Variants in ZNF565 observed in about 807,000 individuals in gnomAD.
The protein encoded by ZNF565 is zinc finger protein 565.
ZNF565 carries 27 observed loss-of-function variants against 39.4 expected under a neutral mutation model. That is an observed-to-expected ratio of 0.69 (90% CI 0.51 to 0.95). The LOEUF (loss-of-function observed/expected upper bound fraction) is 0.95, where lower values mean the gene tolerates loss of function less well. ZNF565 is among the 40% of genes least tolerant of loss of function. The pLI is 0.00. For synonymous variants in ZNF565, 185 were observed against 216.6 expected, an observed-to-expected ratio of 0.85 and a Z score of 1.28; for missense variants, 524 against 621.1, an observed-to-expected ratio of 0.84 and a Z score of 1.66.
upstream of ZNF565, among the ~76,000 whole-genome samples, chr19:36,216,554 A>AGGCTGAGGCAGGAAAATCGGC (rs2145386187): frequency 6.6e-6 from 1 of 152,156 alleles, no homozygotes; most frequent in African/African-American, 2.4e-5. Context: ...GCTACCGCGG[A>AGGCTGAGGCAGGAAAATCGGC]GGCTGAGGCA....
intron 2 of ZNF565, among the ~76,000 whole-genome samples, chr19:36,198,669 G>A (rs752945414): frequency 5.9e-5 from 9 of 151,560 alleles, no homozygotes; most frequent in Non-Finnish European, 1.2e-4. Flanking sequence ...GCATGATCTC[G>A]GCTCACTGCA....
At position 36,194,409 on chromosome 19, in the gene ZNF565, G is replaced by A. The variant is rs562153645; in HGVS notation, c.137-81C>T. 4.6e-5 allele frequency: 49 copies of A among 1,076,452 alleles called. No homozygotes were observed. The South Asian group carries it at 8.8e-4, about 19-fold the overall frequency. 66.7% of individuals were successfully genotyped at this position (1,076,452 alleles called of 1,614,324 possible). On this transcript the variant is annotated intron_variant, in intron 3 of 4. Transcript: ENST00000304116. Reference sequence around the variant, plus strand: ...GTTCCCTGGTCACCATGGAAAAGACGCAATTACAAGGTAGGTGGAAGGTTG... The same window carrying A: ...GTTCCCTGGTCACCATGGAAAAGACACAATTACAAGGTAGGTGGAAGGTTG...
At chr19:36,205,457 G>C (rs78772641) in intron 1 of ZNF565, among the ~76,000 whole-genome samples, 118 of 152,196 alleles carry the variant, frequency 7.8e-4, no homozygotes, top group Middle Eastern at 3.4e-3. Flanking sequence ...GAACTCAGGA[G>C]GCAGAGGTTG....
At chr19:36,226,077 A>G (rs1329328029) in intron 1 of ZNF565, among the ~76,000 whole-genome samples, 2 of 152,158 alleles carry the variant, frequency 1.3e-5, no homozygotes, top group East Asian at 3.8e-4. Flanking sequence ...GCCCACGGTA[A>G]CATTTCTCCC....
chr19:36,221,582 C>T (rs887740090), intron 1 of ZNF565, among the ~76,000 whole-genome samples: 3 of 152,174 alleles, frequency 2.0e-5, no homozygotes, highest in Non-Finnish European at 2.9e-5. Flanking sequence ...GCCACCGTGC[C>T]TGGCCAAGGC....
intron 1 of ZNF565, among the ~76,000 whole-genome samples, chr19:36,243,625 A>G (rs754329729): frequency 6.6e-6 from 1 of 152,214 alleles, no homozygotes; most frequent in Admixed American, 6.5e-5. Context: ...TTCAGGGAGC[A>G]TAAATTATGA....
intron 4 of ZNF565, 97 bp downstream of exon 4, chr19:36,194,136 A>C: frequency 1.0e-6 from 1 of 954,734 alleles, no homozygotes; most frequent in South Asian, 1.8e-5. Context: ...TTTCTTCCAC[A>C]GTAGGGCTTT....
rs572003474 is a variant in ZNF565, at chr19:36,196,866, T to C, written c.10-1710A>G. Among the ~76,000 whole-genome samples, 5 of 152,076 alleles carry C rather than the reference T, an allele frequency of 3.3e-5. No individual in the cohort carries two copies. In the East Asian group the frequency reaches 5.8e-4, roughly 18 times the overall value. ...TGAGGTCAGGAGTTCGAGAACAGCC[T>C]GGCCAACATGGCGAAATCCTGTCTC... On this transcript the variant is annotated intron_variant, in intron 2 of 4. Coordinates refer to ENST00000304116, the MANE Select transcript of ZNF565 (RefSeq NM_152477.5).
At chr19:36,205,532 A>G (rs1398226618) in intron 1 of ZNF565, among the ~76,000 whole-genome samples, 1 of 152,200 alleles carries the variant, frequency 6.6e-6, no homozygotes. Context: ...TCTCTCCAAA[A>G]CAAAAAAGAA....
At chr19:36,216,377 A>G (rs986627685), upstream of ZNF565, among the ~76,000 whole-genome samples, 1 of 152,174 alleles carries the variant, frequency 6.6e-6, no homozygotes, top group African/African-American at 2.4e-5. Context: ...GCGGTGGCTC[A>G]TGCCTGTAAT....
chr19:36,195,940 T>TA (rs1491503996), intron 2 of ZNF565, among the ~76,000 whole-genome samples: 3 of 50,120 alleles, frequency 6.0e-5, no homozygotes, highest in African/African-American at 3.2e-4. Flanking sequence ...AGATGAAGAA[T>TA]TTTTTTTTTT....
At position 36,187,652 on chromosome 19, in the gene ZNF565, G is replaced by T. The variant is rs375773804; in HGVS notation, c.233-3919C>A. 4.3e-5 allele frequency among the ~76,000 whole-genome samples: 6 copies of T among 138,830 alleles called. No homozygotes were observed. In the South Asian group the frequency reaches 1.4e-3, roughly 32 times the overall value. The allele number at this position is 138,830 out of a possible 152,430, so 91.1% of individuals were successfully genotyped here. A position where few individuals can be genotyped will look rare whatever the true frequency, so the allele number is the denominator to read the frequency against. On this transcript the variant is annotated intron_variant, in intron 4 of 4. Coordinates refer to ENST00000304116, the MANE Select transcript of ZNF565 (RefSeq NM_152477.5). ...ATTACAGGCATGAGCCATGGTGCCC[G>T]GCCGAGACAGAGTCTTGCTCTGTCG... is the stretch of plus-strand genomic sequence containing the variant.
chr19:36,234,610 G>T (rs1977565589), intron 1 of ZNF565, among the ~76,000 whole-genome samples: 1 of 152,132 alleles, frequency 6.6e-6, no homozygotes, highest in Non-Finnish European at 1.5e-5. Flanking sequence ...TGTTAGCCAG[G>T]ATGGTCTTGA....
chr19:36,223,848 TA>T (rs879808394), intron 1 of ZNF565, among the ~76,000 whole-genome samples: 6,092 of 146,142 alleles, frequency 0.042, 361 homozygotes, highest in African/African-American at 0.14. Context: ...CTCGCTAATT[TA>T]AAAAAAAAAA....
At chr19:36,219,859 A>G (rs761047524) in intron 1 of ZNF565, among the ~76,000 whole-genome samples, 3 of 152,226 alleles carry the variant, frequency 2.0e-5, no homozygotes, top group African/African-American at 7.2e-5. Flanking sequence ...CCCTGGAAGT[A>G]TAGTCTTAAT....
In ZNF565 at chr19:36,245,346, T is replaced by G. The variant is rs1208546986; in HGVS notation, c.55+130A>C. The G allele has an allele frequency of 6.0e-6, 4 of 662,986 alleles. No homozygotes were observed. Among genetic ancestry groups the G allele is most frequent in the South Asian group, 3.3e-5 (2 of 60,982 alleles). The allele number at this position is 662,986 out of a possible 1,614,324, so 41.1% of individuals were successfully genotyped here. On this transcript the variant is annotated intron_variant, in intron 1 of 4. Coordinates refer to the ZNF565 transcript ENST00000355114. This position sits in a 1 kb window ranked among gnomAD's most constrained non-coding sequence, Gnocchi z 4.4. Reference sequence around the variant, plus strand: ...TAAGCCGAGGGGCTGCTGCCGGACATTCTAGGGTCTGATCTGGCGGGCTCG... The same window carrying G: ...TAAGCCGAGGGGCTGCTGCCGGACAGTCTAGGGTCTGATCTGGCGGGCTCG...
chr19:36,238,333 G>A (rs948566204), intron 1 of ZNF565: 1 of 166,988 alleles, frequency 6.0e-6, no homozygotes, highest in South Asian at 2.1e-4. Context: ...TTTTTGAAAC[G>A]GATTGGAAGG....
intron 1 of ZNF565, among the ~76,000 whole-genome samples, chr19:36,241,609 A>G (rs1275398144): frequency 6.6e-6 from 1 of 151,934 alleles, no homozygotes; most frequent in Non-Finnish European, 1.5e-5. Context: ...CCTGGCCAAC[A>G]TGGTGAAACC....
intron 1 of ZNF565, among the ~76,000 whole-genome samples, chr19:36,226,311 G>A (rs531950263): frequency 2.2e-4 from 33 of 152,104 alleles, no homozygotes; most frequent in Admixed American, 1.7e-3. Flanking sequence ...TGTATGTTTC[G>A]GTTTAAATCA....
Sources: gnomAD v4.1 joint callset for allele counts (sites outside exome capture counted in the v4.1 genomes callset) on GRCh38, gnomAD v4.1.1 for gene constraint, Gnocchi (gnomAD v3.1) non-coding constraint, MANE v1.5 for transcripts, NCBI Gene and HGNC (gene_info 2026-07-23, HGNC 2026-07-21) for gene names.